The following SNX29 variants were observed in gnomAD, a reference collection of about 807,000 sequenced individuals.
SNX29 encodes the protein sorting nexin-29.
In SNX29, 78 loss-of-function variants were observed where a neutral mutation model predicts 102.1. That is an observed-to-expected ratio of 0.76 (90% confidence interval 0.64 to 0.92). SNX29 has a LOEUF of 0.92. Among genes scored for constraint, SNX29 ranks in the 40% least tolerant of loss-of-function variants. The pLI, the probability that SNX29 is intolerant of heterozygous loss-of-function variation, is 0.00. For missense variants in SNX29, 1,280 were observed against 1,061.7 expected (o/e 1.21, Z -2.86); for synonymous variants, 580 against 414.5 (o/e 1.40, Z -4.85).
intron 3 of SNX29, among the ~76,000 whole-genome samples, chr16:12,023,588 A>G (rs2057096135): frequency 6.9e-6 from 1 of 143,974 alleles, no homozygotes; most frequent in South Asian, 2.1e-4. Flanking sequence ...AAAAAAAAAA[A>G]AGAAAAGAAA....
chr16:12,371,698 G>A (rs1014717249), intron 16 of SNX29, among the ~76,000 whole-genome samples: 1 of 152,182 alleles, frequency 6.6e-6, no homozygotes, highest in Non-Finnish European at 1.5e-5. Context: ...TGGGCCTCCT[G>A]TGGGAATCGC....
intron 11 of SNX29, among the ~76,000 whole-genome samples, chr16:12,123,535 T>C (rs905220235): frequency 6.6e-6 from 1 of 152,152 alleles, no homozygotes; most frequent in African/African-American, 2.4e-5. Context: ...ATATATATCA[T>C]ATACATATAC....
chr16:12,126,793 T>A, intron 12 of SNX29, 97 bp downstream of exon 12: 1 of 1,343,576 alleles, frequency 7.4e-7, no homozygotes, highest in Non-Finnish European at 1.0e-6. Flanking sequence ...TTTGCTTTCT[T>A]GGCAAAAATT....
chr16:12,470,420 C>T (rs1023355101), intron 18 of SNX29, among the ~76,000 whole-genome samples: 20 of 152,206 alleles, frequency 1.3e-4, no homozygotes, highest in Non-Finnish European at 2.5e-4. Context: ...GTATCTCCTA[C>T]GAGGTCCTCC....
chr16:11,985,525 G>A (rs889705102), intron 1 of SNX29, among the ~76,000 whole-genome samples: 30 of 152,208 alleles, frequency 2.0e-4, no homozygotes, highest in Non-Finnish European at 2.9e-5. Flanking sequence ...CTGTCAACTC[G>A]TCTTTTCTCT....
At chr16:12,237,198 G>A (rs777281213) in intron 14 of SNX29, among the ~76,000 whole-genome samples, 5 of 152,140 alleles carry the variant, frequency 3.3e-5, no homozygotes, top group Non-Finnish European at 7.3e-5. Flanking sequence ...GTCCACCCCC[G>A]ACTCCTCACC....
chr16:12,046,272 C>T lies in SNX29; in HGVS notation c.429-112C>T, dbSNP rs1466731426. The T allele has an allele frequency of 2.3e-5, 24 of 1,032,508 alleles. 1 individual carries two copies. The highest frequency in any genetic ancestry group is 3.5e-5 in the Non-Finnish European group (24 of 678,292). 64.0% of individuals were successfully genotyped at this position (1,032,508 alleles called of 1,614,324 possible). ...GAGACCTCAGACAAATCATATCCCT[C>T]TTGGGGTGACCAGGTGCAGATCTTC... On this transcript the variant is annotated intron_variant, in intron 5 of 20. Coordinates refer to ENST00000566228, the MANE Select transcript of SNX29 (RefSeq NM_032167.5).
chr16:12,090,911 A>G lies in SNX29; in HGVS notation c.1402+11996A>G, dbSNP rs140378564. On this transcript the variant is annotated intron_variant, in intron 11 of 20. Coordinates refer to ENST00000566228, the MANE Select transcript of SNX29 (RefSeq NM_032167.5). ...ATGCCTGTAATCCCAGCTACTCGAG[A>G]GGCTGAGGCAGGAGAATCACTTGAA... Among the ~76,000 whole-genome samples the G allele has an allele frequency of 8.3e-3, 1,230 of 147,824 alleles. 6 individuals are homozygous for G. Among genetic ancestry groups the G allele is most frequent in the Middle Eastern group, 0.042 (12 of 286 alleles).
At chr16:12,465,221 A>G (rs2086996982) in intron 18 of SNX29, among the ~76,000 whole-genome samples, 1 of 152,060 alleles carries the variant, frequency 6.6e-6, no homozygotes, top group African/African-American at 2.4e-5. Context: ...CTTTAGTTTG[A>G]TGTAGTCCAA....
chr16:12,353,685 T>C (rs1237893658), intron 15 of SNX29, among the ~76,000 whole-genome samples: 1 of 152,184 alleles, frequency 6.6e-6, no homozygotes, highest in Non-Finnish European at 1.5e-5. Flanking sequence ...GGTGACCTCT[T>C]ATTGCTCAAC....
chr16:12,364,416 C>CTTCTTTTTTTTTTTTTTTTTTTTTTT (rs1555520124), intron 16 of SNX29, among the ~76,000 whole-genome samples: 5 of 98,768 alleles, frequency 5.1e-5, no homozygotes, highest in African/African-American at 1.3e-4. Context: ...CTCTCTTCTT[C>CTTCTTTTTTTTTTTTTTTTTTTTTTT]TTTTTTTTTT....
chr16:12,425,400 C>A (rs1032608038), intron 18 of SNX29, among the ~76,000 whole-genome samples: 4 of 151,794 alleles, frequency 2.6e-5, no homozygotes, highest in African/African-American at 9.7e-5. Flanking sequence ...TGGATGATGC[C>A]CATGTATTTA....
At chr16:12,173,707 C>A (rs1187815312) in intron 13 of SNX29, among the ~76,000 whole-genome samples, 1 of 152,222 alleles carries the variant, frequency 6.6e-6, no homozygotes, top group African/African-American at 2.4e-5. Context: ...CTCTGTGATG[C>A]CTGCAGAGAT....
At chr16:12,423,411 G>A (rs1357731670) in intron 18 of SNX29, among the ~76,000 whole-genome samples, 5 of 152,216 alleles carry the variant, frequency 3.3e-5, no homozygotes, top group Non-Finnish European at 1.5e-5. Context: ...AGCTGCAGCC[G>A]GCATCACTCA....
At chr16:12,168,089 C>G (rs1174608786) in intron 13 of SNX29, among the ~76,000 whole-genome samples, 1 of 152,162 alleles carries the variant, frequency 6.6e-6, no homozygotes, top group East Asian at 1.9e-4. Context: ...GTGGCGTATT[C>G]TGGTGAGGAG....
chr16:12,004,648 C>G (rs1368697962), intron 3 of SNX29, among the ~76,000 whole-genome samples: 6 of 152,150 alleles, frequency 3.9e-5, no homozygotes, highest in African/African-American at 1.4e-4. Context: ...CTCACCCTAG[C>G]CCACCCTCCT....
rs1029177990 is a variant in SNX29 at position 12,571,929 on chromosome 16, G to A, written c.*3300G>A. 9.4e-7 allele frequency: 1 copy of A among 1,062,154 alleles called. No individual in the cohort carries two copies. The highest frequency in any genetic ancestry group is 1.1e-6 in the Non-Finnish European group (1 of 877,262). The allele number at this position is 1,062,154 out of a possible 1,614,324, so 65.8% of individuals were successfully genotyped here. A position where few individuals can be genotyped will look rare whatever the true frequency, so the allele number is the denominator to read the frequency against. ...TTCTCTACTGGCAGGCCCTGGTGAA[G>A]GAAGACACTTTCAGGGAAGAGGCTC... On this transcript the variant is annotated 3_prime_UTR_variant, in exon 21 of 21. Coordinates refer to ENST00000566228, the MANE Select transcript of SNX29 (RefSeq NM_032167.5).
chr16:12,239,916 AC>A (rs2078050763), intron 14 of SNX29, among the ~76,000 whole-genome samples: 2 of 152,132 alleles, frequency 1.3e-5, no homozygotes, highest in Non-Finnish European at 2.9e-5. Flanking sequence ...TAATCTCATC[AC>A]CCAAAAATAG....
chr16:12,546,197 C>A (rs745736817), intron 20 of SNX29: 1 of 152,158 alleles, frequency 6.6e-6, no homozygotes, highest in Non-Finnish European at 1.5e-5. Flanking sequence ...TGTAAAGTAA[C>A]GAGGGACGTA....
Sources: gnomAD v4.1 joint callset for allele counts (sites outside exome capture counted in the v4.1 genomes callset) on GRCh38, gnomAD v4.1.1 for gene constraint, MANE v1.5 for transcripts, NCBI Gene and HGNC (gene_info 2026-07-23, HGNC 2026-07-21) for gene names.